CHD9: variants seen among roughly 807,000 people sequenced by gnomAD.
The protein encoded by CHD9 is ATP-dependent chromatin remodeler CHD9.
Under a neutral mutation model 316.1 loss-of-function variants are expected in CHD9, and 77 were observed. That is an observed-to-expected ratio of 0.24 (90% CI 0.20 to 0.29). The LOEUF (loss-of-function observed/expected upper bound fraction) is 0.29, where lower values mean the gene tolerates loss of function less well. Among genes scored for constraint, CHD9 ranks in the 10% least tolerant of loss-of-function variants. The probability of loss-of-function intolerance (pLI) is 1.00; values close to 1 mark genes in which losing one functional copy is unlikely to be tolerated. For synonymous variants in CHD9, 1,129 were observed against 1,158.3 expected (o/e 0.97, Z 0.51); for missense variants, 2,763 against 3,438.1 (o/e 0.80, Z 4.91).
At chr16:53,071,634 A>G (rs990300246) in intron 1 of CHD9, among the ~76,000 whole-genome samples, 1 of 152,212 alleles carries the variant, frequency 6.6e-6, no homozygotes, top group African/African-American at 2.4e-5. Context: ...CTCAGGCTAG[A>G]AGACCCCAGA....
At chr16:53,224,253 A>G (rs1182278879) in intron 4 of CHD9, among the ~76,000 whole-genome samples, 1 of 152,220 alleles carries the variant, frequency 6.6e-6, no homozygotes, top group African/African-American at 2.4e-5. Flanking sequence ...AGAAAGCCAG[A>G]AAAAGCACAT....
intron 2 of CHD9, among the ~76,000 whole-genome samples, chr16:53,177,686 TCAAGGAAAGAGTA>T (rs2043181804): frequency 6.6e-6 from 1 of 152,200 alleles, no homozygotes; most frequent in South Asian, 2.1e-4. Context: ...TTTGTTGGTT[TCAAGGAAAGAGTA>T]CAAATGAAAG....
intron 24 of CHD9, among the ~76,000 whole-genome samples, chr16:53,277,465 G>A (rs908654791): frequency 2.0e-5 from 3 of 152,036 alleles, no homozygotes; most frequent in Non-Finnish European, 4.4e-5. Context: ...CAACAAATGT[G>A]ATAAACCACA....
intron 3 of CHD9, among the ~76,000 whole-genome samples, chr16:53,213,733 G>C (rs1025832987): frequency 6.6e-6 from 1 of 152,108 alleles, no homozygotes; most frequent in Non-Finnish European, 1.5e-5. Context: ...TTAAACCTAT[G>C]ATTTATTACT....
chr16:53,105,187 G>C (rs2037235109), intron 1 of CHD9, among the ~76,000 whole-genome samples: 1 of 152,056 alleles, frequency 6.6e-6, no homozygotes, highest in Non-Finnish European at 1.5e-5. Context: ...AATTATATTT[G>C]TTTGATTCAA....
At chr16:53,160,279 G>A (rs1320557895) in intron 2 of CHD9, among the ~76,000 whole-genome samples, 1 of 151,934 alleles carries the variant, frequency 6.6e-6, no homozygotes, top group African/African-American at 2.4e-5. Flanking sequence ...TGTTGCTTTT[G>A]TTTTGTTTTT....
At chr16:53,305,574 G>A (rs1049395733) in intron 31 of CHD9, among the ~76,000 whole-genome samples, 17 of 152,256 alleles carry the variant, frequency 1.1e-4, no homozygotes, top group African/African-American at 4.1e-4. Context: ...ACAAGTAAAA[G>A]ATAATATTAT....
chr16:53,064,303 C>G (rs2033277480), intron 1 of CHD9, among the ~76,000 whole-genome samples: 1 of 152,172 alleles, frequency 6.6e-6, no homozygotes, highest in Non-Finnish European at 1.5e-5. Flanking sequence ...TGTTCTTGGC[C>G]TCTTCCCCTC....
chr16:53,063,222 G>A (rs896467248), intron 1 of CHD9, among the ~76,000 whole-genome samples: 1 of 152,032 alleles, frequency 6.6e-6, no homozygotes. Flanking sequence ...TTACTACTGA[G>A]CAAACAGGCA....
At chr16:53,211,515 G>A (rs2046332098) in intron 3 of CHD9, among the ~76,000 whole-genome samples, 1 of 152,086 alleles carries the variant, frequency 6.6e-6, no homozygotes, top group Non-Finnish European at 1.5e-5. Context: ...GATAAGAATT[G>A]TACTAGAAAT....
At chr16:53,055,477 G>A (rs903986145) in intron 1 of CHD9, among the ~76,000 whole-genome samples, 1 of 144,130 alleles carries the variant, frequency 6.9e-6, no homozygotes, top group African/African-American at 2.7e-5. Flanking sequence ...AAATACCGAT[G>A]CCCTAGTTCC....
In CHD9 at chr16:53,227,438, C is replaced by T. The variant is rs769180896; in HGVS notation, c.2086C>T (p.Leu696=). Residue 696 remains leucine, a synonymous_variant, in exon 6 of 39, where the codon CTA becomes TTA. Coordinates refer to ENST00000447540, the MANE Select transcript of CHD9 (RefSeq NM_001308319.2). ...EEDAAIVDKI[L]SSRTVKKEIS... ...AGATGCTGCAATTGTAGACAAAATT[C>T]TATCTTCTAGAACCGTAAAAAAGGA... 1 of 1,570,126 alleles carries T rather than the reference C, an allele frequency of 6.4e-7. No individual in the cohort carries two copies. Among genetic ancestry groups the T allele is most frequent in the East Asian group, 2.3e-5 (1 of 43,316 alleles).
rs751869451 is a variant in CHD9, at chr16:53,318,201, A to G, written c.7585-11A>G. 5.6e-6 allele frequency: 9 copies of G among 1,601,018 alleles called. No individual in the cohort carries two copies. Among genetic ancestry groups the G allele is most frequent in the African/African-American group, 4.1e-5 (3 of 74,024 alleles). On this transcript the variant is annotated splice_polypyrimidine_tract_variant and intron_variant, in intron 36 of 38. Transcript: ENST00000447540. The stretch of plus-strand genomic sequence containing the variant: ...AGACTTTAAAGATATGTCTTTATCT[A>G]TATATTTTAGAGAATGCAGCTTCAT...
rs1233542589 is a variant in CHD9, at chr16:53,273,660, G to A, written c.4752G>A (p.Gly1584=). 4 of 1,612,448 alleles carry A rather than the reference G, an allele frequency of 2.5e-6. No homozygotes were observed. Among genetic ancestry groups the A allele is most frequent in the African/African-American group, 1.3e-5 (1 of 74,856 alleles). ...LSAPVPRGRK[G]KKVKTQTSSF... ...CTCCTGTACCCAGGGGTCGAAAAGG[G>A]AAGAAAGTAAAAACTCAAACAAGCT... The change falls in exon 23 of 39, where the codon GGG becomes GGA. Residue 1584 remains glycine (G), a synonymous_variant. Transcript: ENST00000447540.
chr16:53,122,404 T>C (rs1200463444), intron 1 of CHD9, among the ~76,000 whole-genome samples: 2 of 152,208 alleles, frequency 1.3e-5, no homozygotes, highest in African/African-American at 4.8e-5. Context: ...ACTTTAAAAA[T>C]TATTTACTGC....
chr16:53,091,411 G>C (rs915483870), intron 1 of CHD9, among the ~76,000 whole-genome samples: 11 of 152,214 alleles, frequency 7.2e-5, no homozygotes, highest in African/African-American at 2.7e-4. Context: ...GATACTAACT[G>C]TGATGTCCTC....
chr16:53,132,471 T>C (rs1172683788), intron 1 of CHD9, among the ~76,000 whole-genome samples: 1 of 152,332 alleles, frequency 6.6e-6, no homozygotes, highest in South Asian at 2.1e-4. Flanking sequence ...TTCCCTAGAC[T>C]CTAGATAACT....
chr16:53,163,366 A>C (rs531187275), intron 2 of CHD9, among the ~76,000 whole-genome samples: 2 of 151,966 alleles, frequency 1.3e-5, no homozygotes, highest in African/African-American at 4.8e-5. Flanking sequence ...ATGCGCCACC[A>C]CGCCCGGCTA....
intron 29 of CHD9, among the ~76,000 whole-genome samples, chr16:53,296,286 A>G (rs1165055328): frequency 6.6e-6 from 1 of 152,044 alleles, no homozygotes; most frequent in East Asian, 1.9e-4. Context: ...ATCATCTTAC[A>G]TGATTTTGTA....
Sources: gnomAD v4.1 joint callset for allele counts (sites outside exome capture counted in the v4.1 genomes callset) on GRCh38, gnomAD v4.1.1 for gene constraint, MANE v1.5 for transcripts, NCBI Gene and HGNC (gene_info 2026-07-23, HGNC 2026-07-21) for gene names.